The following ADGRE5 variants were observed in gnomAD, a reference collection of about 807,000 sequenced individuals.
The protein encoded by ADGRE5 is CD97 molecule.
Under a neutral mutation model 100.3 loss-of-function variants are expected in ADGRE5, and 72 were observed. That is an observed-to-expected ratio of 0.72 (90% CI 0.59 to 0.87). ADGRE5 has a LOEUF of 0.87. Ranked by LOEUF, ADGRE5 falls within the 40% of genes least tolerant of loss-of-function variation. The pLI is 0.00. For missense variants in ADGRE5, 959 were observed against 1,094.7 expected (o/e 0.88, Z 1.75); for synonymous variants, 439 against 447.8 (o/e 0.98, Z 0.25).
At chr19:14,404,659 C>T (rs1976147834) in intron 13 of ADGRE5, 97 bp downstream of exon 13, 1 of 1,214,194 alleles carries the variant, frequency 8.2e-7, no homozygotes. Flanking sequence ...ACTGGTTGCT[C>T]AGATATATCT....
intron 17 of ADGRE5, 23 bp from the exon 18 acceptor site, chr19:14,407,038 C>T (rs371185748): frequency 1.2e-5 from 20 of 1,613,546 alleles, no homozygotes; most frequent in African/African-American, 2.7e-5. Context: ...TGGGGGCCCA[C>T]GCTGCAACCC....
intron 12 of ADGRE5, 36 bp downstream of exon 12, chr19:14,402,898 C>A: frequency 6.2e-7 from 1 of 1,608,284 alleles, no homozygotes; most frequent in Non-Finnish European, 8.5e-7. Context: ...TCAAAGATAA[C>A]CCAGGGCCTT....
At chr19:14,396,580 A>G (rs1975789221) in intron 5 of ADGRE5, 107 bp downstream of exon 5, 2 of 1,523,836 alleles carry the variant, frequency 1.3e-6, no homozygotes, top group South Asian at 2.5e-5. Context: ...GCAGGTTCCC[A>G]CAAGGTCAAG....
chr19:14,401,507 T>C lies in ADGRE5; in HGVS notation c.1019T>C (p.Ile340Thr). The stretch of plus-strand genomic sequence containing the variant: ...TCAAACCTTGAAGATATCATGAGGA[T>C]CCTGGCCAAGAGCCTGCCTAAAGGC... ...LLSNLEDIMRILAKSLPKGPF... is the reference protein window; with the variant it reads ...LLSNLEDIMRTLAKSLPKGPF... The change falls in exon 10 of 20, where the codon ATC becomes ACC. Residue 340 changes from isoleucine to threonine, a missense_variant. By Grantham distance (89) the Ile-to-Thr change is moderately conservative. Around this residue, in one of 6 missense-constraint regions of ADGRE5, gnomAD observed 246 missense variants for 242.2 expected, o/e 1.02. Coordinates refer to ENST00000242786, the MANE Select transcript of ADGRE5 (RefSeq NM_078481.4). The surrounding 1 kb of genome is among the most constrained non-coding windows in gnomAD (Gnocchi z 4.1). The C allele has an allele frequency of 6.2e-7, 1 of 1,614,176 alleles. No homozygotes were observed. Among genetic ancestry groups the C allele is most frequent in the Non-Finnish European group, 8.5e-7 (1 of 1,180,030 alleles).
At chr19:14,404,192 T>C (rs1384586029) in intron 12 of ADGRE5, among the ~76,000 whole-genome samples, 191 bp from the exon 13 acceptor site, 1 of 152,174 alleles carries the variant, frequency 6.6e-6, no homozygotes, top group Admixed American at 6.5e-5. Context: ...TCTCCCACTC[T>C]TATGTCAACC....
intron 18 of ADGRE5, 128 bp downstream of exon 18, chr19:14,407,357 C>CA (rs1212243203): frequency 2.6e-5 from 28 of 1,068,158 alleles, no homozygotes; most frequent in Non-Finnish European, 3.6e-5. Context: ...GCTGTCTTTA[C>CA]AAAAAAATTC....
rs778057042 is a variant in ADGRE5 at position 14,401,456 on chromosome 19, G to A, written c.968G>A (p.Arg323Gln). The A allele has an allele frequency of 1.9e-5, 31 of 1,614,086 alleles. No individual in the cohort carries two copies. The highest frequency in any genetic ancestry group is 1.8e-4 in the Admixed American group (11 of 60,020). Residue 323 changes from arginine (R) to glutamine (Q), a missense_variant, in exon 10 of 20, where the codon CGG (arginine) becomes CAG (glutamine). Physicochemically the swap from Arg to Gln is conservative, Grantham distance 43 (BLOSUM62 1). Around this residue, in one of 6 missense-constraint regions of ADGRE5, gnomAD observed 246 missense variants for 242.2 expected, o/e 1.02. Transcript: ENST00000242786. This position sits in a 1 kb window ranked among gnomAD's most constrained non-coding sequence, Gnocchi z 4.1. ...GDVEALAPPV[R>Q]HLIATQLLSN... ...GTAGAGGCCCTGGCGCCACCTGTCC[G>A]GCACCTCATAGCCACCCAGCTGCTC...
intron 1 of ADGRE5, among the ~76,000 whole-genome samples, chr19:14,383,894 C>A (rs537182796): frequency 5.1e-4 from 77 of 152,172 alleles, no homozygotes; most frequent in Non-Finnish European, 7.4e-4. Flanking sequence ...CTTCCCCAAC[C>A]TCTTCTGTTT....
rs765198212 is a variant in ADGRE5, at chr19:14,405,733, C to A, written c.1630-15C>A. 63 of 1,598,892 alleles carry A rather than the reference C, an allele frequency of 3.9e-5. 1 individual carries two copies. The South Asian group carries it at 7.0e-4, about 18-fold the overall frequency. Reference sequence around the variant, plus strand: ...ATGCCCTGAAGGAACCCTGAGCACCCGGTGCCACTCCTAGGACTGGAAGCT... The same window carrying A: ...ATGCCCTGAAGGAACCCTGAGCACCAGGTGCCACTCCTAGGACTGGAAGCT... On this transcript the variant is annotated splice_polypyrimidine_tract_variant and intron_variant, in intron 13 of 19. Transcript: ENST00000242786.
chr19:14,398,328 G>A, intron 9 of ADGRE5, 189 bp downstream of exon 9: 15 of 584,544 alleles, frequency 2.6e-5, no homozygotes, highest in Non-Finnish European at 3.1e-5. Context: ...ACACACGCAT[G>A]CACACACACA....
At position 14,391,029 on chromosome 19, in the gene ADGRE5, C is replaced by T; in HGVS notation, c.296C>T (p.Pro99Leu). ...YDCVCSPGYE[P>L]VSGAKTFKNE... ...TGCGTGTGCAGCCCGGGATATGAGC[C>T]TGTTTCTGGGGCAAAAACATTCAAG... Residue 99 changes from proline (P) to leucine (L), a missense_variant, in exon 4 of 20, where the codon CCT becomes CTT. Pro to Leu is a moderately conservative substitution (Grantham distance 98). Transcript: ENST00000242786. 6.2e-7 allele frequency: 1 copy of T among 1,614,190 alleles called. No individual in the cohort carries two copies. The highest frequency in any genetic ancestry group is 8.5e-7 in the Non-Finnish European group (1 of 1,180,038).
chr19:14,401,847 CT>C lies in ADGRE5; in HGVS notation c.1183+88del. ...CAGGGTGAGGTTCAGAATAGAACAA[CT>C]GACTGGGCGCGGTGGCTCACGCCTG... On this transcript the variant is annotated intron_variant, in intron 11 of 19. Transcript: ENST00000242786. The surrounding 1 kb of genome is among the most constrained non-coding windows in gnomAD (Gnocchi z 4.1). 1.1e-6 allele frequency: 1 copy of C among 910,354 alleles called. No individual in the cohort carries two copies. The highest frequency in any genetic ancestry group is 2.1e-5 in the South Asian group (1 of 48,778). The allele number at this position is 910,354 out of a possible 1,614,324, so 56.4% of individuals were successfully genotyped here. A position where few individuals can be genotyped will look rare whatever the true frequency, so the allele number is the denominator to read the frequency against.
At chr19:14,404,774 C>G in intron 13 of ADGRE5, 1 of 529,990 alleles carries the variant, frequency 1.9e-6, no homozygotes, top group Non-Finnish European at 3.3e-6. Context: ...CAGCCACTAG[C>G]TCCGCTCCTC....
chr19:14,386,978 G>A (rs564429386), intron 1 of ADGRE5, among the ~76,000 whole-genome samples: 16 of 152,048 alleles, frequency 1.1e-4, no homozygotes, highest in Admixed American at 2.6e-4. Flanking sequence ...TCGTGCCATC[G>A]CACTCCAGCC....
Position 14,401,371 on chromosome 19 carries a change from C to T in ADGRE5, c.898-15C>T, listed in dbSNP as rs749164784. 1.2e-6 allele frequency: 2 copies of T among 1,611,808 alleles called. No individual in the cohort carries two copies. The highest frequency in any genetic ancestry group is 1.7e-6 in the Non-Finnish European group (2 of 1,178,718). On this transcript the variant is annotated splice_polypyrimidine_tract_variant and intron_variant, in intron 9 of 19. Coordinates refer to ENST00000242786, the MANE Select transcript of ADGRE5 (RefSeq NM_078481.4). This position sits in a 1 kb window ranked among gnomAD's most constrained non-coding sequence, Gnocchi z 4.1. ...GTCTGATGCTCCAGCGATTCTGTCA[C>T]CCGCCACCCCCTAGAATGTCATCAA...
chr19:14,406,565 C>A lies in ADGRE5; in HGVS notation c.2048+8C>A. On this transcript the variant is annotated splice_region_variant and intron_variant, in intron 15 of 19. Coordinates refer to ENST00000242786, the MANE Select transcript of ADGRE5 (RefSeq NM_078481.4). This position sits in a 1 kb window ranked among gnomAD's most constrained non-coding sequence, Gnocchi z 6.0. ...CTACGGCCGCCCCAGATAGTGAGTG[C>A]AGCGAGATGGGGCAGGAGGAAGGCG... The A allele has an allele frequency of 6.3e-7, 1 of 1,599,672 alleles. No individual in the cohort carries two copies. The highest frequency in any genetic ancestry group is 1.1e-5 in the South Asian group (1 of 90,176).
intron 4 of ADGRE5, among the ~76,000 whole-genome samples, chr19:14,395,765 T>C (rs1018153836): frequency 6.6e-6 from 1 of 152,176 alleles, no homozygotes; most frequent in Non-Finnish European, 1.5e-5. Flanking sequence ...CGGGCAGCCC[T>C]AGCCTGTCCC....
At chr19:14,384,956 C>T (rs574275345) in intron 1 of ADGRE5, among the ~76,000 whole-genome samples, 1 of 149,396 alleles carries the variant, frequency 6.7e-6, no homozygotes, top group African/African-American at 2.5e-5. Flanking sequence ...CTCTGTCTCT[C>T]TCTCTCTTTG....
chr19:14,396,244 C>T, intron 4 of ADGRE5, 98 bp from the exon 5 acceptor site: 3 of 1,607,790 alleles, frequency 1.9e-6, no homozygotes, highest in Non-Finnish European at 2.5e-6. Flanking sequence ...GACAGTGGTG[C>T]CTTCCAGATG....
Sources: gnomAD v4.1 joint callset for allele counts (sites outside exome capture counted in the v4.1 genomes callset) on GRCh38, gnomAD v4.1.1 for gene constraint, gnomAD v4.1.1 regional missense constraint, Gnocchi (gnomAD v3.1) non-coding constraint, MANE v1.5 for transcripts, NCBI Gene and HGNC (gene_info 2026-07-23, HGNC 2026-07-21) for gene names.